The following PSAT1 variants were observed in gnomAD, a reference collection of about 807,000 sequenced individuals.
PSAT1 encodes phosphoserine aminotransferase.
A neutral mutation model predicts 40.3 loss-of-function variants in PSAT1; 41 were observed. The observed-to-expected ratio is 1.02, with a 90% CI of 0.79 to 1.32. PSAT1 has a LOEUF of 1.32. PSAT1 is among the 40% of genes most tolerant of loss of function. The pLI, the probability that PSAT1 is intolerant of heterozygous loss-of-function variation, is 0.00. For missense variants in PSAT1, 406 were observed against 455.8 expected (o/e 0.89, Z 0.99); for synonymous variants, 147 against 170.5 (o/e 0.86, Z 1.07).
In PSAT1 at chr9:78,318,110, C is replaced by T. The variant is rs141705548; in HGVS notation, c.869+306C>T. ...CTGGGGTAGGTCCCGTCTACTCCCT[C>T]CTTTGTATATCTTCTGGGAAAAAAA... On this transcript the variant is annotated intron_variant, in intron 7 of 8. Transcript: ENST00000376588. Among the ~76,000 whole-genome samples, 242 of 152,266 alleles carry T rather than the reference C, an allele frequency of 1.6e-3. 1 individual carries two copies. The Middle Eastern group carries it at 0.034, about 21-fold the overall frequency.
intron 2 of PSAT1, among the ~76,000 whole-genome samples, chr9:78,301,576 C>G (rs1406351549): frequency 6.6e-6 from 1 of 152,142 alleles, no homozygotes; most frequent in African/African-American, 2.4e-5. Flanking sequence ...ACTTAGATTT[C>G]TGTGAAGTGA....
intron 7 of PSAT1, 48 bp downstream of exon 7, chr9:78,317,852 A>G: frequency 6.3e-7 from 1 of 1,585,604 alleles, no homozygotes; most frequent in Non-Finnish European, 8.6e-7. Flanking sequence ...TGAATTTAAA[A>G]CTGTGTATAT....
At chr9:78,306,240 C>T (rs1429625557) in intron 4 of PSAT1, 74 bp from the exon 5 acceptor site, 1 of 1,536,456 alleles carries the variant, frequency 6.5e-7, no homozygotes, top group African/African-American at 1.4e-5. Context: ...TGTCAGTCTC[C>T]TGGTTGACTC....
intron 8 of PSAT1, 94 bp downstream of exon 8, chr9:78,328,282 G>T (rs1227382831): frequency 1.3e-6 from 2 of 1,506,056 alleles, no homozygotes; most frequent in Non-Finnish European, 1.8e-6. Context: ...GCTTAGCTTG[G>T]AGTAGCAGTT....
intron 7 of PSAT1, among the ~76,000 whole-genome samples, chr9:78,327,020 A>C (rs368391006): frequency 7.0e-6 from 1 of 143,128 alleles, no homozygotes; most frequent in Admixed American, 7.2e-5. Flanking sequence ...CTGTGGCACA[A>C]TCTTGGCTCA....
intron 2 of PSAT1, 46 bp downstream of exon 2, chr9:78,300,708 A>T: frequency 1.4e-6 from 2 of 1,384,690 alleles, no homozygotes; most frequent in South Asian, 1.5e-5. Context: ...TTTCAAAGGA[A>T]GCTTTTTTTT....
At position 78,304,774 on chromosome 9, in the gene PSAT1, A is replaced by T. The variant is rs762436279; in HGVS notation, c.231A>T (p.Gly77=). Residue 77 remains glycine, a synonymous_variant, in exon 4 of 9, where the codon GGA becomes GGT. Transcript: ENST00000376588. ...PDNYKVIFLQ[G]GGCGQFSAVP... is the part of the protein sequence containing the mutation. The stretch of plus-strand genomic sequence containing the variant: ...ACTATAAGGTGATTTTTCTGCAAGG[A>T]GGTGGGTGCGGCCAGTTCAGTGCTG... 106 of 1,614,020 alleles carry T rather than the reference A, an allele frequency of 6.6e-5. No homozygotes were observed. The highest frequency in any genetic ancestry group is 8.3e-5 in the Admixed American group (5 of 59,992).
rs565754939 is a variant in PSAT1 at position 78,308,335 on chromosome 9, G to A, written c.571-79G>A. 436 of 1,510,736 alleles carry A rather than the reference G, an allele frequency of 2.9e-4. 1 individual carries two copies. The highest frequency in any genetic ancestry group is 2.8e-3 in the Middle Eastern group (12 of 4,270). The allele number at this position is 1,510,736 out of a possible 1,614,324, so 93.6% of individuals were successfully genotyped here. The stretch of plus-strand genomic sequence containing the variant: ...CATTTCCTTAAAAAAATTGTGCTTC[G>A]GGAAGAGTTGGGAAGTTTGCATACA... On this transcript the variant is annotated intron_variant, in intron 5 of 8. Transcript: ENST00000376588.
At chr9:78,316,129 G>A (rs1451855891) in intron 6 of PSAT1, among the ~76,000 whole-genome samples, 1 of 152,226 alleles carries the variant, frequency 6.6e-6, no homozygotes, top group Non-Finnish European at 1.5e-5. Flanking sequence ...GGAAAACCAT[G>A]CACCGCTCCT....
Position 78,317,230 on chromosome 9 carries a change from C to G in PSAT1, c.741-446C>G, listed in dbSNP as rs562750041. Among the ~76,000 whole-genome samples the G allele has an allele frequency of 1.1e-4, 17 of 151,468 alleles. 1 individual carries two copies. The highest frequency in any genetic ancestry group is 7.2e-4 in the Admixed American group (11 of 15,188). On this transcript the variant is annotated intron_variant, in intron 6 of 8. Coordinates refer to ENST00000376588, the MANE Select transcript of PSAT1 (RefSeq NM_058179.4). Reference sequence around the variant, plus strand: ...ATGACATGCTCTTGTTCACATGGGCCCTGCTTTTGTCTTGTGTATTTTCTT... The same window carrying G: ...ATGACATGCTCTTGTTCACATGGGCGCTGCTTTTGTCTTGTGTATTTTCTT...
intron 6 of PSAT1, among the ~76,000 whole-genome samples, chr9:78,309,239 C>T (rs1828230684): frequency 6.6e-6 from 1 of 152,236 alleles, no homozygotes; most frequent in Non-Finnish European, 1.5e-5. Context: ...TCTCAAACAG[C>T]CAGTGCAGCT....
intron 1 of PSAT1, chr9:78,298,266 AT>A: frequency 2.0e-6 from 2 of 984,562 alleles, no homozygotes; most frequent in Non-Finnish European, 2.4e-6. Context: ...CCGCCGTTAG[AT>A]TTTTATTTTT....
At chr9:78,300,091 T>G (rs1828085551) in intron 1 of PSAT1, among the ~76,000 whole-genome samples, 1 of 152,186 alleles carries the variant, frequency 6.6e-6, no homozygotes, top group South Asian at 2.1e-4. Flanking sequence ...GACTCAACAA[T>G]TATCAACATT....
intron 7 of PSAT1, among the ~76,000 whole-genome samples, chr9:78,320,572 T>C (rs201421692): frequency 7.8e-6 from 1 of 128,894 alleles, no homozygotes; most frequent in East Asian, 2.8e-4. Context: ...CCCTTCCACC[T>C]ATCCGCCCAT....
chr9:78,326,637 T>C (rs968367334), intron 7 of PSAT1, among the ~76,000 whole-genome samples: 3 of 152,168 alleles, frequency 2.0e-5, no homozygotes, highest in African/African-American at 7.2e-5. Context: ...GTTGCAGACA[T>C]AGTTTTAAAT....
chr9:78,309,661 C>A (rs1195099057), intron 6 of PSAT1, among the ~76,000 whole-genome samples: 2 of 152,210 alleles, frequency 1.3e-5, no homozygotes, highest in Non-Finnish European at 2.9e-5. Flanking sequence ...CCACAACCGG[C>A]CAACATCTTT....
chr9:78,320,148 C>A (rs1828405579), intron 7 of PSAT1, among the ~76,000 whole-genome samples: 1 of 151,192 alleles, frequency 6.6e-6, no homozygotes, highest in African/African-American at 2.4e-5. Context: ...CCATCCATTA[C>A]CCACCCATCC....
At chr9:78,311,250 C>T (rs1242741028) in intron 6 of PSAT1, among the ~76,000 whole-genome samples, 2 of 151,922 alleles carry the variant, frequency 1.3e-5, no homozygotes, top group Non-Finnish European at 2.9e-5. Flanking sequence ...GGGAAGGGGC[C>T]GAGATGTCAG....
At chr9:78,327,336 A>G (rs1321212186) in intron 7 of PSAT1, among the ~76,000 whole-genome samples, 1 of 152,094 alleles carries the variant, frequency 6.6e-6, no homozygotes, top group Non-Finnish European at 1.5e-5. Context: ...AGGTGCAAAG[A>G]GTCTGTTGTA....
Sources: allele counts gnomAD v4.1 joint callset (sites outside exome capture counted in the v4.1 genomes callset), GRCh38; gene constraint gnomAD v4.1.1; transcripts MANE v1.5; gene names NCBI Gene and HGNC (gene_info 2026-07-23, HGNC 2026-07-21).